Variants in TRPM1 observed in about 807,000 individuals in gnomAD.
TRPM1 encodes transient receptor potential cation channel subfamily M member 1, also known as TRPM1-203 APA Isoform, Intron 10.
In TRPM1, 113 loss-of-function variants were observed where a neutral mutation model predicts 149.4. The observed-to-expected ratio is 0.76, with a 90% CI of 0.65 to 0.88. The LOEUF is 0.88. Among genes scored for constraint, TRPM1 ranks in the 40% least tolerant of loss-of-function variants. TRPM1 has a pLI of 0.00. For synonymous variants in TRPM1, 741 were observed against 759.5 expected, an observed-to-expected ratio of 0.98 and a Z score of 0.40; for missense variants, 1,976 against 2,038.7, an observed-to-expected ratio of 0.97 and a Z score of 0.59.
intron 1 of TRPM1, among the ~76,000 whole-genome samples, chr15:31,089,209 C>T (rs981394291): frequency 3.9e-5 from 6 of 152,154 alleles, no homozygotes; most frequent in Non-Finnish European, 5.9e-5. Flanking sequence ...CTAGGTAGTT[C>T]GTAATTCTCT....
In TRPM1 at chr15:31,002,342, G is replaced by T. The variant is rs765032931; in HGVS notation, c.4358C>A (p.Ala1453Asp). ...TRYFPDETIN[A>D]CKTMKSRSFV... Reference sequence around the variant, plus strand: ...GCTTCTGGACTTCATTGTTTTACAAGCATTGATCGTTTCATCGGGGAAATA... The same window carrying T: ...GCTTCTGGACTTCATTGTTTTACAATCATTGATCGTTTCATCGGGGAAATA... The change falls in exon 28 of 28, where the codon GCT (alanine) becomes GAT (aspartate). Residue 1453 changes from alanine to aspartate, a missense_variant. By Grantham distance (126) the Ala-to-Asp change is moderately radical (BLOSUM62 -2). Around this residue, in one of 3 missense-constraint regions of TRPM1, gnomAD observed 572 missense variants for 578.9 expected, o/e 0.99. Transcript: ENST00000256552. 4.3e-5 allele frequency: 70 copies of T among 1,614,212 alleles called. No homozygotes were observed. The highest frequency in any genetic ancestry group is 5.8e-5 in the Non-Finnish European group (68 of 1,180,038).
intron 16 of TRPM1, among the ~76,000 whole-genome samples, chr15:31,045,510 G>T (rs73372417): frequency 0.025 from 3,793 of 152,050 alleles, 170 homozygotes; most frequent in African/African-American, 0.086. Context: ...TCAATTTCCA[G>T]AACACTTTTG....
rs568174735 is a variant in TRPM1 at position 31,069,383 on chromosome 15, T to C, written c.279+648A>G. ...GGTGCCATTTCAGAAGACTGTATATTGCAGCATTTGGAACACAGCTAAATT... is the reference window on the plus strand; with the variant it reads ...GGTGCCATTTCAGAAGACTGTATATCGCAGCATTTGGAACACAGCTAAATT... On this transcript the variant is annotated intron_variant, in intron 4 of 27. Coordinates refer to ENST00000256552, the MANE Select transcript of TRPM1 (RefSeq NM_001252024.2). The C allele has an allele frequency of 4.1e-6, 4 of 984,076 alleles. No individual in the cohort carries two copies. In the South Asian group the frequency reaches 1.9e-4, roughly 46 times the overall value. 61.0% of individuals were successfully genotyped at this position (984,076 alleles called of 1,614,324 possible).
At chr15:31,046,684 G>A (rs1269828413) in intron 15 of TRPM1, among the ~76,000 whole-genome samples, 1 of 152,178 alleles carries the variant, frequency 6.6e-6, no homozygotes, top group Non-Finnish European at 1.5e-5. Context: ...TGTGGGTGAG[G>A]GCCAGCTGGT....
rs940770981 is a variant in TRPM1 at position 31,001,990 on chromosome 15, G to A, written c.4710C>T (p.Leu1570=). 8 of 1,614,034 alleles carry A rather than the reference G, an allele frequency of 5.0e-6. 1 individual carries two copies. In the Admixed American group the frequency reaches 1.3e-4, roughly 27 times the overall value. The change falls in exon 28 of 28, where the codon CTC becomes CTT. Residue 1570 remains leucine, a synonymous_variant. Coordinates refer to ENST00000256552, the MANE Select transcript of TRPM1 (RefSeq NM_001252024.2). ...GATGTCCATGTAAACTTTTTGACCT[G>A]AGAGATGGGAATCCCAAAGTTTGAT... is the stretch of plus-strand genomic sequence containing the variant. ...KPDQTLGFPS[L]RSKSLHGHPR... is the part of the protein sequence containing the mutation.
intron 27 of TRPM1, among the ~76,000 whole-genome samples, chr15:31,018,249 C>T (rs2140887562): frequency 6.6e-6 from 1 of 152,124 alleles, no homozygotes; most frequent in South Asian, 2.1e-4. Context: ...TGGGGTTTCA[C>T]CATGTTGGTC....
intron 1 of TRPM1, among the ~76,000 whole-genome samples, chr15:31,126,243 G>A (rs2141038661): frequency 6.6e-6 from 1 of 152,300 alleles, no homozygotes; most frequent in African/African-American, 2.4e-5. Context: ...ATCTTTCACA[G>A]TAATTGATAA....
chr15:31,089,195 A>G (rs991326291), intron 1 of TRPM1, among the ~76,000 whole-genome samples: 1 of 152,162 alleles, frequency 6.6e-6, no homozygotes, highest in African/African-American at 2.4e-5. Context: ...AGGAGTGGTC[A>G]TTTCTAGGTA....
At chr15:31,043,146 G>A (rs1159788963) in intron 16 of TRPM1, among the ~76,000 whole-genome samples, 2 of 152,150 alleles carry the variant, frequency 1.3e-5, no homozygotes, top group Admixed American at 1.3e-4. Context: ...GAGGTATCCT[G>A]GCTCTCCAAT....
chr15:31,144,205 C>T (rs995075287), intron 1 of TRPM1, among the ~76,000 whole-genome samples: 7 of 151,992 alleles, frequency 4.6e-5, no homozygotes, highest in Non-Finnish European at 8.8e-5. Flanking sequence ...TCTGGGAGGC[C>T]GAGATGAGCC....
At chr15:31,005,088 C>T (rs548964747) in intron 27 of TRPM1, among the ~76,000 whole-genome samples, 65 of 117,880 alleles carry the variant, frequency 5.5e-4, no homozygotes, top group Non-Finnish European at 1.0e-3. Context: ...GATGACAGAG[C>T]GAGACTCCAT....
At position 31,003,511 on chromosome 15, in the gene TRPM1, GCACT is replaced by G. The variant is rs754769042; in HGVS notation, c.3630-445_3630-442del. Among the ~76,000 whole-genome samples, 15 of 152,322 alleles carry G rather than the reference GCACT, an allele frequency of 9.8e-5. 1 individual carries two copies. In the East Asian group the frequency reaches 1.3e-3, roughly 14 times the overall value. ...TTTGAGCACACGCAGCCTAGCTCCA[GCACT>G]CACTCCGGTGCCTGTCTCTTAGCTG... On this transcript the variant is annotated intron_variant, in intron 27 of 27. Transcript: ENST00000256552.
intron 1 of TRPM1, among the ~76,000 whole-genome samples, chr15:31,158,824 G>A (rs2036410291): frequency 6.6e-6 from 1 of 151,952 alleles, no homozygotes; most frequent in African/African-American, 2.4e-5. Context: ...TATTTTGCAG[G>A]AATCAATATT....
intron 1 of TRPM1, among the ~76,000 whole-genome samples, chr15:31,113,607 A>G (rs1295114309): frequency 6.6e-6 from 1 of 152,156 alleles, no homozygotes; most frequent in African/African-American, 2.4e-5. Flanking sequence ...TACACAAGTA[A>G]ACTTGTGTCA....
At chr15:31,005,967 A>G (rs1411749190) in intron 27 of TRPM1, among the ~76,000 whole-genome samples, 1 of 152,244 alleles carries the variant, frequency 6.6e-6, no homozygotes, top group Non-Finnish European at 1.5e-5. Flanking sequence ...AAGAGAATCC[A>G]TCATGCATGA....
intron 1 of TRPM1, among the ~76,000 whole-genome samples, chr15:31,082,974 TG>T (rs2034902082): frequency 6.6e-6 from 1 of 151,038 alleles, no homozygotes; most frequent in Non-Finnish European, 1.5e-5. Context: ...CACACACAGG[TG>T]GGGGCGACCC....
chr15:31,043,386 G>T (rs927690835), intron 16 of TRPM1, among the ~76,000 whole-genome samples: 5 of 152,012 alleles, frequency 3.3e-5, no homozygotes, highest in African/African-American at 1.2e-4. Flanking sequence ...TAGAGACGGG[G>T]TTTCACCGTG....
At chr15:31,071,746 T>C (rs981899055) in intron 3 of TRPM1, among the ~76,000 whole-genome samples, 2 of 151,798 alleles carry the variant, frequency 1.3e-5, no homozygotes, top group African/African-American at 4.8e-5. Context: ...TGTGGATCAC[T>C]TGAGGTCAGG....
At chr15:31,089,115 G>C (rs2035133423) in intron 1 of TRPM1, among the ~76,000 whole-genome samples, 1 of 152,214 alleles carries the variant, frequency 6.6e-6, no homozygotes. Context: ...GAAAATTCGT[G>C]ATGAATACAG....
Sources: allele counts gnomAD v4.1 joint callset (sites outside exome capture counted in the v4.1 genomes callset), GRCh38; gene constraint gnomAD v4.1.1; regional missense constraint gnomAD v4.1.1; transcripts MANE v1.5; gene names NCBI Gene and HGNC (gene_info 2026-07-23, HGNC 2026-07-21).